The following NOTCH4 variants were observed in gnomAD, a reference collection of about 807,000 sequenced individuals.
The protein encoded by NOTCH4 is notch receptor 4.
In NOTCH4, 138 loss-of-function variants were observed where a neutral mutation model predicts 189.0. The ratio of observed to expected loss-of-function variants is 0.73; its 90% CI spans 0.64 to 0.84. The LOEUF is 0.84. Ranked by LOEUF, NOTCH4 falls within the 40% of genes least tolerant of loss-of-function variation. The pLI is 0.00. For missense variants in NOTCH4, 2,286 were observed against 2,605.4 expected (o/e 0.88, Z 2.67); for synonymous variants, 942 against 1,032.8 (o/e 0.91, Z 1.69).
rs1488322326 is a variant in NOTCH4 at position 32,202,522 on chromosome 6, C to T, written c.3309G>A (p.Leu1103=). The change falls in exon 21 of 30, where the codon CTG becomes CTA. Residue 1103 remains leucine (L), a synonymous_variant. Coordinates refer to ENST00000375023, the MANE Select transcript of NOTCH4 (RefSeq NM_004557.4). This position sits in a 1 kb window ranked among gnomAD's most constrained non-coding sequence, Gnocchi z 5.7. ...GTGGGAAGCCTGGCTTAGGGGAGGG[C>T]AGACACAGGCCTCCGTGGTGGCAGT... The part of the protein sequence containing the change: ...FHHCHHGGLC[L]PSPKPGFPPR... The T allele has an allele frequency of 6.2e-7, 1 of 1,611,410 alleles. No individual in the cohort carries two copies. The highest frequency in any genetic ancestry group is 2.2e-5 in the East Asian group (1 of 44,852).
rs1789777061 is a variant in NOTCH4, at chr6:32,221,472, T to A, written c.452-147A>T. The A allele has an allele frequency of 1.5e-6, 1 of 645,870 alleles. No individual in the cohort carries two copies. Among genetic ancestry groups the A allele is most frequent in the Admixed American group, 2.9e-5 (1 of 34,414 alleles). 40.0% of individuals were successfully genotyped at this position (645,870 alleles called of 1,614,324 possible). A position where few individuals can be genotyped will look rare whatever the true frequency, so the allele number is the denominator to read the frequency against. ...ACCATACTTTCTTTGCTCTGTTCCATCACCCCTGCTCTGAGCGATGTCATG... is the reference window on the plus strand; with the variant it reads ...ACCATACTTTCTTTGCTCTGTTCCAACACCCCTGCTCTGAGCGATGTCATG... On this transcript the variant is annotated intron_variant, in intron 3 of 29. Transcript: ENST00000375023. This position sits in a 1 kb window ranked among gnomAD's most constrained non-coding sequence, Gnocchi z 4.3.
At chr6:32,205,053 C>G (rs1440899715) in intron 18 of NOTCH4, among the ~76,000 whole-genome samples, 1 of 152,190 alleles carries the variant, frequency 6.6e-6, no homozygotes, top group Non-Finnish European at 1.5e-5. Context: ...CTTCATGCCA[C>G]TCAGCTAGTG....
intron 14 of NOTCH4, 73 bp from the exon 15 acceptor site, chr6:32,213,325 A>G (rs1482235059): frequency 5.6e-5 from 54 of 957,754 alleles, no homozygotes; most frequent in Non-Finnish European, 6.7e-6. Flanking sequence ...CACACTGTAC[A>G]TAGGACATAC....
In NOTCH4 at chr6:32,220,553, A is replaced by G; in HGVS notation, c.1011T>C (p.Gly337=). ...RNGGTCQNSA[G]SFHCVCVSGW... ...CACTCACACACACGCAGTGAAAGCT[A>G]CCAGCAGAGTTCTGGCAGGTGCCCC... Residue 337 remains glycine, a synonymous_variant, in exon 6 of 30, where the codon GGT becomes GGC. Coordinates refer to ENST00000375023, the MANE Select transcript of NOTCH4 (RefSeq NM_004557.4). 1.9e-6 allele frequency: 3 copies of G among 1,613,838 alleles called. No individual in the cohort carries two copies. The Admixed American group carries it at 5.0e-5, about 27-fold the overall frequency.
Position 32,213,168 on chromosome 6 carries a change from C to T in NOTCH4, c.2405G>A (p.Cys802Tyr), listed in dbSNP as rs770400180. 1 of 1,613,896 alleles carries T rather than the reference C, an allele frequency of 6.2e-7. No individual in the cohort carries two copies. The highest frequency in any genetic ancestry group is 8.5e-7 in the Non-Finnish European group (1 of 1,179,936). Residue 802 changes from cysteine to tyrosine, a missense_variant, in exon 15 of 30, where the codon TGT (cysteine) becomes TAT (tyrosine). Physicochemically the swap from Cys to Tyr is radical, Grantham distance 194 (BLOSUM62 -2). Around this residue, in one of 2 missense-constraint regions of NOTCH4, gnomAD observed 1,903 missense variants for 2,261.9 expected, o/e 0.84. Transcript: ENST00000375023. Reference protein sequence around the residue: ...LCAMGFQGPRCEGKLRPSCAD... With the variant: ...LCAMGFQGPRYEGKLRPSCAD... ...ACAGCTGGGGCGGAGCTTTCCCTCA[C>T]AGCGCGGGCCCTGGAAGCCCATGGC...
chr6:32,197,645 A>C (rs907223907), intron 26 of NOTCH4, 51 bp from the exon 27 acceptor site: 1 of 1,479,516 alleles, frequency 6.8e-7, no homozygotes, highest in East Asian at 2.4e-5. Flanking sequence ...AACAAGGGGG[A>C]AGGGACAACA....
At chr6:32,211,121 G>A (rs759519128) in intron 17 of NOTCH4, among the ~76,000 whole-genome samples, 185 bp from the exon 18 acceptor site, 7 of 152,040 alleles carry the variant, frequency 4.6e-5, no homozygotes, top group South Asian at 2.1e-4. Flanking sequence ...TTGGTCGGGC[G>A]TTGTGGCAGG....
intron 18 of NOTCH4, among the ~76,000 whole-genome samples, chr6:32,207,636 C>G (rs984073088): frequency 3.0e-4 from 45 of 149,132 alleles, no homozygotes; most frequent in African/African-American, 1.0e-3. Flanking sequence ...TATCCCCCCC[C>G]CCCAAAAAAA....
rs889231242 is a variant in NOTCH4, at chr6:32,195,752, G to T, written c.5697C>A (p.Ser1899Arg). The T allele has an allele frequency of 1.2e-6, 2 of 1,611,836 alleles. No individual in the cohort carries two copies. Among genetic ancestry groups the T allele is most frequent in the Non-Finnish European group, 1.7e-6 (2 of 1,179,876 alleles). The change falls in exon 30 of 30, where the codon AGC becomes AGA. Residue 1899 changes from serine (S) to arginine (R), a missense_variant. Ser to Arg is a moderately radical substitution (Grantham distance 110). Coordinates refer to ENST00000375023, the MANE Select transcript of NOTCH4 (RefSeq NM_004557.4). The surrounding 1 kb of genome is among the most constrained non-coding windows in gnomAD (Gnocchi z 5.4). ...RGGGAYSHCR[S>R]LSGVGAGGGP... ...CTCCTCCTGCTCCTACTCCCGAGAG[G>T]CTCCGGCAATGAGAATAGGCCCCGC...
In NOTCH4 at chr6:32,201,084, G is replaced by T; in HGVS notation, c.4139+33C>A. The T allele has an allele frequency of 6.3e-7, 1 of 1,582,030 alleles. No individual in the cohort carries two copies. The highest frequency in any genetic ancestry group is 8.6e-7 in the Non-Finnish European group (1 of 1,164,634). On this transcript the variant is annotated intron_variant, in intron 22 of 29. Transcript: ENST00000375023. This position sits in a 1 kb window ranked among gnomAD's most constrained non-coding sequence, Gnocchi z 5.5. The stretch of plus-strand genomic sequence containing the variant: ...TCCCTCTGCCCTCTTAAAAAAACTG[G>T]TGTCTGGCCCTTCCCTCCACCTAGC...
rs371720441 is a variant in NOTCH4 at position 32,196,690 on chromosome 6, C to T, written c.5200+235G>A. Reference sequence around the variant, plus strand: ...CGAGATTCCCCCCCCTTTCCACAGACACTGTGTTCCATGCCAGTTCCCCAG... The same window carrying T: ...CGAGATTCCCCCCCCTTTCCACAGATACTGTGTTCCATGCCAGTTCCCCAG... On this transcript the variant is annotated intron_variant, in intron 28 of 29. Coordinates refer to ENST00000375023, the MANE Select transcript of NOTCH4 (RefSeq NM_004557.4). Among the ~76,000 whole-genome samples the T allele has an allele frequency of 3.9e-5, 6 of 152,134 alleles. No homozygotes were observed. In the East Asian group the frequency reaches 5.8e-4, roughly 15 times the overall value.
chr6:32,197,204 C>G, intron 27 of NOTCH4, 95 bp downstream of exon 27: 1 of 1,513,808 alleles, frequency 6.6e-7, no homozygotes, highest in Non-Finnish European at 8.9e-7. Flanking sequence ...CCCAATCACA[C>G]CAATTTCCTC....
Position 32,198,903 on chromosome 6 carries a change from C to T in NOTCH4, c.4535+23G>A. ...CATAGGAGAGACTCCCCTTCCTGAGCCTGGGTTTCTCCTCATTCTCACTTG... is the reference window on the plus strand; with the variant it reads ...CATAGGAGAGACTCCCCTTCCTGAGTCTGGGTTTCTCCTCATTCTCACTTG... On this transcript the variant is annotated intron_variant, in intron 24 of 29. Transcript: ENST00000375023. This position sits in a 1 kb window ranked among gnomAD's most constrained non-coding sequence, Gnocchi z 5.5. 1 of 1,527,948 alleles carries T rather than the reference C, an allele frequency of 6.5e-7. No individual in the cohort carries two copies. The highest frequency in any genetic ancestry group is 8.8e-7 in the Non-Finnish European group (1 of 1,136,286). 94.6% of individuals were successfully genotyped at this position (1,527,948 alleles called of 1,614,324 possible).
At position 32,198,403 on chromosome 6, in the gene NOTCH4, C is replaced by G. The variant is rs768822696; in HGVS notation, c.4756+18G>C. On this transcript the variant is annotated intron_variant, in intron 26 of 29. Coordinates refer to ENST00000375023, the MANE Select transcript of NOTCH4 (RefSeq NM_004557.4). This position sits in a 1 kb window ranked among gnomAD's most constrained non-coding sequence, Gnocchi z 5.5. ...AAGGACTTTTTTTTTTTTTCTTGGT[C>G]TGGGTTGACTCACATACCAGGTCCA... 2 of 1,571,034 alleles carry G rather than the reference C, an allele frequency of 1.3e-6. No individual in the cohort carries two copies. Among genetic ancestry groups the G allele is most frequent in the South Asian group, 1.2e-5 (1 of 85,308 alleles).
chr6:32,214,105 C>A lies in NOTCH4; in HGVS notation c.2167+5G>T. ...AGGGTGTATATGGTTTAGGGAGGGT[C>A]TCACCTGTGTAGCCTGTAGGGCAGG... On this transcript the variant is annotated splice_donor_5th_base_variant and intron_variant, in intron 13 of 29. Coordinates refer to ENST00000375023, the MANE Select transcript of NOTCH4 (RefSeq NM_004557.4). 1 of 1,607,104 alleles carries A rather than the reference C, an allele frequency of 6.2e-7. No homozygotes were observed. The highest frequency in any genetic ancestry group is 1.3e-5 in the African/African-American group (1 of 74,578).
In NOTCH4 at chr6:32,199,140, G is replaced by A; in HGVS notation, c.4321C>T (p.Pro1441Ser). 6.3e-7 allele frequency: 1 copy of A among 1,589,384 alleles called. No homozygotes were observed. Among genetic ancestry groups the A allele is most frequent in the Non-Finnish European group, 8.6e-7 (1 of 1,169,108 alleles). The change falls in exon 24 of 30, where the codon CCT becomes TCT. Residue 1441 changes from proline (P) to serine (S), a missense_variant. Pro to Ser is a moderately conservative substitution (Grantham distance 74). This residue lies in a region of NOTCH4 where 1,903 missense variants were observed against 2,261.9 expected (regional missense o/e 0.84). Transcript: ENST00000375023. The surrounding 1 kb of genome is among the most constrained non-coding windows in gnomAD (Gnocchi z 4.9). Reference protein sequence around the residue: ...AVHPHAGTAPPANQLPWPVLC... With the variant: ...AVHPHAGTAPSANQLPWPVLC... Reference sequence around the variant, plus strand: ...ACAGGCCAGGGAAGCTGGTTGGCAGGGGGTGCTGGTGGGAGAGACAGAGTC... The same window carrying A: ...ACAGGCCAGGGAAGCTGGTTGGCAGAGGGTGCTGGTGGGAGAGACAGAGTC...
Position 32,202,172 on chromosome 6 carries a change from C to A in NOTCH4, c.3659G>T (p.Cys1220Phe). ...CTGCCCGTCCCGGAAGAGAAGCCAG[C>A]ACCGAGAGTGGGAGGGGCAGCCCTT... ...PWKGCPSHSR[C>F]WLLFRDGQCH... Residue 1220 changes from cysteine (C) to phenylalanine (F), a missense_variant, in exon 21 of 30, where the codon TGC (cysteine) becomes TTC (phenylalanine). Coordinates refer to ENST00000375023, the MANE Select transcript of NOTCH4 (RefSeq NM_004557.4). This position sits in a 1 kb window ranked among gnomAD's most constrained non-coding sequence, Gnocchi z 5.7. The A allele has an allele frequency of 6.6e-7, 1 of 1,524,704 alleles. No homozygotes were observed. Among genetic ancestry groups the A allele is most frequent in the South Asian group, 1.3e-5 (1 of 78,464 alleles). 94.4% of individuals were successfully genotyped at this position (1,524,704 alleles called of 1,614,324 possible). A position where few individuals can be genotyped will look rare whatever the true frequency, so the allele number is the denominator to read the frequency against.
rs1039452473 is a variant in NOTCH4, at chr6:32,197,417, G to C, written c.4934C>G (p.Ser1645Cys). 17 of 1,545,970 alleles carry C rather than the reference G, an allele frequency of 1.1e-5. No homozygotes were observed. The highest frequency in any genetic ancestry group is 1.4e-5 in the African/African-American group (1 of 72,716). ...ETPLHLAARF[S>C]RPTAARRLLE... ...GAGGCGGCGGGCAGCGGTTGGCCGG[G>C]AGAATCGGGCAGCCAGGTGCAGGGG... Residue 1645 changes from serine (S) to cysteine (C), a missense_variant, in exon 27 of 30, where the codon TCC becomes TGC. Physicochemically the swap from Ser to Cys is moderately radical, Grantham distance 112. This residue lies in a region of NOTCH4 where 1,903 missense variants were observed against 2,261.9 expected (regional missense o/e 0.84). Transcript: ENST00000375023.
Position 32,210,728 on chromosome 6 carries a change from C to T in NOTCH4, c.2865+24G>A. ...TCCAGCCCACCCTTGTCTTTCCTCC[C>T]CCTTCTCCTGCAGACCCTCTCACCT... is the stretch of plus-strand genomic sequence containing the variant. On this transcript the variant is annotated intron_variant, in intron 18 of 29. Transcript: ENST00000375023. This position sits in a 1 kb window ranked among gnomAD's most constrained non-coding sequence, Gnocchi z 4.8. 3 of 1,610,036 alleles carry T rather than the reference C, an allele frequency of 1.9e-6. No homozygotes were observed. The highest frequency in any genetic ancestry group is 1.7e-6 in the Non-Finnish European group (2 of 1,178,690).
Sources: allele counts gnomAD v4.1 joint callset (sites outside exome capture counted in the v4.1 genomes callset), GRCh38; gene constraint gnomAD v4.1.1; regional missense constraint gnomAD v4.1.1; non-coding constraint Gnocchi (gnomAD v3.1); transcripts MANE v1.5; gene names NCBI Gene and HGNC (gene_info 2026-07-23, HGNC 2026-07-21).